Variants in IL13RA1 observed in about 807,000 individuals in gnomAD.
The protein encoded by IL13RA1 is interleukin-13 receptor subunit alpha-1.
A neutral mutation model predicts 33.8 loss-of-function variants in IL13RA1; 14 were observed. That is an observed-to-expected ratio of 0.41 (90% CI 0.27 to 0.65). The LOEUF (loss-of-function observed/expected upper bound fraction) is 0.65, where lower values mean the gene tolerates loss of function less well. Among genes scored for constraint, IL13RA1 ranks in the 30% least tolerant of loss-of-function variants. The pLI is 0.28. For missense variants in IL13RA1, 313 were observed against 327.0 expected (o/e 0.96, Z 0.33); for synonymous variants, 116 against 115.7 (o/e 1.00, Z -0.02).
intron 4 of IL13RA1, among the ~76,000 whole-genome samples, chrX:118,756,063 A>G (rs775368034): frequency 9.0e-6 from 1 of 110,831 alleles, no homozygotes; most frequent in African/African-American, 3.3e-5. Context: ...ATTGCTGTTC[A>G]AATGCTGGTT....
At chrX:118,786,118 CA>C (rs1359941194) in intron 10 of IL13RA1, among the ~76,000 whole-genome samples, 30 of 111,384 alleles carry the variant, frequency 2.7e-4, no homozygotes, top group African/African-American at 6.2e-4. Context: ...TAATTTTAAA[CA>C]TTTTTTATTT....
intron 1 of IL13RA1, among the ~76,000 whole-genome samples, chrX:118,735,738 G>T: frequency 8.9e-6 from 1 of 111,827 alleles, no homozygotes; most frequent in Admixed American, 9.4e-5. Flanking sequence ...AGTAGAACTG[G>T]GGTATTGCCA....
chrX:118,753,708 G>GT (rs992911436), intron 4 of IL13RA1, among the ~76,000 whole-genome samples: 2 of 112,622 alleles, frequency 1.8e-5, no homozygotes, highest in African/African-American at 6.5e-5. Context: ...TGTGTTTTTT[G>GT]TAGAGATGGG....
At chrX:118,769,125 G>A (rs2073106360) in intron 8 of IL13RA1, among the ~76,000 whole-genome samples, 2 of 112,161 alleles carry the variant, frequency 1.8e-5, no homozygotes, top group Non-Finnish European at 3.8e-5. Context: ...TTTTTTAGAA[G>A]TGAGTCAATT....
chrX:118,796,049 G>T (rs2018029339), downstream of IL13RA1, among the ~76,000 whole-genome samples: 1 of 112,429 alleles, frequency 8.9e-6, no homozygotes, highest in East Asian at 2.8e-4. Flanking sequence ...CTTCTTGAAG[G>T]TTCTCTGGCT....
At chrX:118,776,013 C>G (rs1383492562) in intron 9 of IL13RA1, among the ~76,000 whole-genome samples, 1 of 110,695 alleles carries the variant, frequency 9.0e-6, no homozygotes, top group African/African-American at 3.3e-5. Context: ...TCCATGGACA[C>G]TCACTGGGAG....
chrX:118,773,926 C>G lies in IL13RA1; in HGVS notation c.1057C>G (p.Pro353Ala). 3.7e-6 allele frequency: 4 copies of G among 1,095,060 alleles called. No homozygotes were observed. The highest frequency in any genetic ancestry group is 5.1e-6 in the Non-Finnish European group (4 of 789,656). The allele number at this position is 1,095,060 out of a possible 1,213,427, so 90.2% of individuals were successfully genotyped here. A position where few individuals can be genotyped will look rare whatever the true frequency, so the allele number is the denominator to read the frequency against. Residue 353 changes from proline (P) to alanine (A), a missense_variant, in exon 9 of 11, where the codon CCA (proline) becomes GCA (alanine). Pro to Ala is a conservative substitution (Grantham distance 27). Coordinates refer to ENST00000371666, the MANE Select transcript of IL13RA1 (RefSeq NM_001560.3). ...TLYITMLLIV[P>A]VIVAGAIIVL... ...CTACATAACCATGTTACTCATTGTT[C>G]CAGTCATCGTCGCAGGTGCAATCAT...
downstream of IL13RA1, among the ~76,000 whole-genome samples, chrX:118,796,532 TTTTTG>T (rs1254005672): frequency 1.8e-5 from 2 of 112,285 alleles, no homozygotes; most frequent in African/African-American, 3.2e-5. Flanking sequence ...TATAGCATCT[TTTTTG>T]TTTTGTTTTG....
chrX:118,746,546 T>G (rs1295066700), intron 2 of IL13RA1, among the ~76,000 whole-genome samples: 2 of 111,796 alleles, frequency 1.8e-5, no homozygotes, highest in Non-Finnish European at 3.8e-5. Flanking sequence ...ATGTTAGCAT[T>G]GTAGGTTTAT....
chrX:118,770,379 C>A (rs1413419690), intron 8 of IL13RA1: 6 of 374,995 alleles, frequency 1.6e-5, no homozygotes, highest in Non-Finnish European at 3.0e-5. Flanking sequence ...CCCGGTAGAC[C>A]AACTACCCCA....
At chrX:118,749,244 G>T (rs1034931886) in intron 3 of IL13RA1, among the ~76,000 whole-genome samples, 4 of 112,213 alleles carry the variant, frequency 3.6e-5, no homozygotes, top group African/African-American at 1.3e-4. Flanking sequence ...AAATGTGTCA[G>T]TATTGATCAA....
chrX:118,788,262 T>C (rs1325010710), intron 10 of IL13RA1, among the ~76,000 whole-genome samples: 2 of 111,847 alleles, frequency 1.8e-5, no homozygotes, highest in East Asian at 5.5e-4. Flanking sequence ...TATGGTGATA[T>C]TTGGGAATAT....
At chrX:118,800,894 C>T in the IL13RA1 span, among the ~76,000 whole-genome samples, 2 of 111,895 alleles carry the variant, frequency 1.8e-5, no homozygotes, top group Non-Finnish European at 3.8e-5. Context: ...TCAAGCGGTT[C>T]TCCTACCTCA....
the IL13RA1 span, among the ~76,000 whole-genome samples, chrX:118,801,251 T>C: frequency 8.9e-6 from 1 of 112,738 alleles, no homozygotes; most frequent in Non-Finnish European, 1.9e-5. Context: ...TAGAAATGTC[T>C]GATTTCTAAT....
chrX:118,770,020 G>C (rs1425953236), intron 8 of IL13RA1: 1 of 223,968 alleles, frequency 4.5e-6, no homozygotes, highest in Non-Finnish European at 8.3e-6. Context: ...GCAACTGCTC[G>C]GTGTGTGCTG....
rs73591289 is a variant in IL13RA1, at chrX:118,742,834, C to T, written c.228+1678C>T. Among the ~76,000 whole-genome samples the T allele has an allele frequency of 2.1e-3, 238 of 111,385 alleles. 1 individual carries two copies. Among genetic ancestry groups the T allele is most frequent in the African/African-American group, 7.4e-3 (228 of 30,646 alleles). On this transcript the variant is annotated intron_variant, in intron 2 of 10. Transcript: ENST00000371666. ...GATGAGGTTTGTAATGCACCTGACA[C>T]AGAGTTAGTGCTAGGTAATTGTTAG...
At chrX:118,755,539 C>T (rs1269257388) in intron 4 of IL13RA1, among the ~76,000 whole-genome samples, 3 of 111,572 alleles carry the variant, frequency 2.7e-5, no homozygotes, top group Admixed American at 9.5e-5. Flanking sequence ...TAATGTTTCA[C>T]AAGAATTCAA....
chrX:118,762,916 T>TA (rs1006329356), intron 6 of IL13RA1, among the ~76,000 whole-genome samples: 3 of 112,169 alleles, frequency 2.7e-5, no homozygotes, highest in Non-Finnish European at 3.8e-5. Context: ...ACTGAAAATA[T>TA]AGACTCCTAC....
At chrX:118,805,158 A>T in the IL13RA1 span, among the ~76,000 whole-genome samples, 1 of 111,779 alleles carries the variant, frequency 8.9e-6, no homozygotes, top group African/African-American at 3.3e-5. Context: ...TTGGTCAGGG[A>T]GATGGAATTG....
Sources: allele counts gnomAD v4.1 joint callset (sites outside exome capture counted in the v4.1 genomes callset), GRCh38; gene constraint gnomAD v4.1.1; transcripts MANE v1.5; gene names NCBI Gene and HGNC (gene_info 2026-07-23, HGNC 2026-07-21).